DHX57: variants seen among roughly 807,000 people sequenced by gnomAD.
The protein encoded by DHX57 is putative ATP-dependent RNA helicase DHX57.
DHX57 carries 105 observed loss-of-function variants against 156.2 expected under a neutral mutation model. That is an observed-to-expected ratio of 0.67 (90% CI 0.57 to 0.79). The LOEUF is 0.79. Among genes scored for constraint, DHX57 ranks in the 30% least tolerant of loss-of-function variants. DHX57 has a pLI of 0.00. For missense variants in DHX57, 1,847 were observed against 1,661.9 expected, an observed-to-expected ratio of 1.11 and a Z score of -1.94; for synonymous variants, 704 against 595.6, an observed-to-expected ratio of 1.18 and a Z score of -2.65.
chr2:38,802,190 C>A (rs771915109), intron 23 of DHX57, among the ~76,000 whole-genome samples: 1 of 152,146 alleles, frequency 6.6e-6, no homozygotes, highest in Non-Finnish European at 1.5e-5. Context: ...ACCAGACTTC[C>A]CCTCACAGTG....
rs1673196939 is a variant in DHX57 at position 38,861,373 on chromosome 2, A to G, written c.1037T>C (p.Ile346Thr). The G allele has an allele frequency of 6.2e-7, 1 of 1,613,810 alleles. No individual in the cohort carries two copies. Among genetic ancestry groups the G allele is most frequent in the Middle Eastern group, 1.6e-4 (1 of 6,062 alleles). The change falls in exon 5 of 24, where the codon ATT becomes ACT. Residue 346 changes from isoleucine (I) to threonine (T), a missense_variant. Ile to Thr is a moderately conservative substitution (Grantham distance 89, BLOSUM62 -1). Transcript: ENST00000457308. ...RSVDDSHLNA[I>T]EDASFLYELE... ...TTCATATAAAAAAGATGCATCTTCA[A>G]TAGCATTAAGATGAGAATCATCTAC...
chr2:38,860,092 T>C (rs1469555594), intron 5 of DHX57, among the ~76,000 whole-genome samples: 2 of 152,000 alleles, frequency 1.3e-5, no homozygotes, highest in African/African-American at 4.8e-5. Context: ...GTGCTGGGAT[T>C]ACAGGCATGA....
intron 1 of DHX57, among the ~76,000 whole-genome samples, chr2:38,870,286 A>G (rs1665292979): frequency 6.6e-6 from 1 of 152,220 alleles, no homozygotes; most frequent in Non-Finnish European, 1.5e-5. Context: ...AGAAAAGAGC[A>G]GAAAAAATAT....
chr2:38,864,590 C>T (rs1398185430), intron 2 of DHX57, among the ~76,000 whole-genome samples: 1 of 152,100 alleles, frequency 6.6e-6, no homozygotes, highest in Non-Finnish European at 1.5e-5. Flanking sequence ...CATTCCAGCA[C>T]TTATCCCCCT....
chr2:38,869,379 GTAGTT>G (rs1665250246), intron 1 of DHX57, among the ~76,000 whole-genome samples: 1 of 152,224 alleles, frequency 6.6e-6, no homozygotes, highest in African/African-American at 2.4e-5. Context: ...AAATGAAGAT[GTAGTT>G]TAGACTGTTG....
chr2:38,802,834 C>T lies in DHX57; in HGVS notation c.3898G>A (p.Val1300Met). 1 of 1,614,184 alleles carries T rather than the reference C, an allele frequency of 6.2e-7. No homozygotes were observed. The highest frequency in any genetic ancestry group is 8.5e-7 in the Non-Finnish European group (1 of 1,180,034). Residue 1300 changes from valine to methionine, a missense_variant, in exon 23 of 24, where the codon GTG becomes ATG. Val to Met is a conservative substitution (Grantham distance 21). Transcript: ENST00000457308. ...SRVFIRDCSMVSVYPLVLFGG... is the reference protein window; with the variant it reads ...SRVFIRDCSMMSVYPLVLFGG... ...AACAAGACCAGCGGGTACACAGACACCATGCTGCAGTCTCGGATGAATACT... is the reference window on the plus strand; with the variant it reads ...AACAAGACCAGCGGGTACACAGACATCATGCTGCAGTCTCGGATGAATACT...
intron 21 of DHX57, among the ~76,000 whole-genome samples, chr2:38,812,266 T>TG (rs1670287076): frequency 3.0e-5 from 1 of 33,238 alleles, no homozygotes. Flanking sequence ...GCACAAACAA[T>TG]TTTTTAAAAG....
chr2:38,818,538 G>GCAAA (rs201554073), intron 19 of DHX57, among the ~76,000 whole-genome samples: 1 of 151,782 alleles, frequency 6.6e-6, no homozygotes, highest in East Asian at 1.9e-4. Context: ...AAACAAACAA[G>GCAAA]CAAACAAACA....
intron 7 of DHX57, 60 bp from the exon 8 acceptor site, chr2:38,855,312 A>G (rs774909135): frequency 1.3e-6 from 2 of 1,519,150 alleles, no homozygotes; most frequent in Non-Finnish European, 1.8e-6. Context: ...TAACTAAAGA[A>G]GCAATCATAT....
At chr2:38,859,689 C>T (rs996597414) in intron 5 of DHX57, among the ~76,000 whole-genome samples, 2 of 152,118 alleles carry the variant, frequency 1.3e-5, no homozygotes, top group Non-Finnish European at 2.9e-5. Context: ...GCTAAATGAC[C>T]AGCAGCCACA....
Position 38,831,945 on chromosome 2 carries a change from C to G in DHX57, c.2543-3509G>C, listed in dbSNP as rs556886038. Among the ~76,000 whole-genome samples the G allele has an allele frequency of 2.5e-4, 38 of 152,116 alleles. No individual in the cohort carries two copies. In the South Asian group the frequency reaches 7.7e-3, roughly 31 times the overall value. ...GCTGAGATAGGAGAATTGCTTCAAC[C>G]TGGGAGGCAGAGGTTGCAGTGAGCT... On this transcript the variant is annotated intron_variant, in intron 13 of 23. Coordinates refer to ENST00000457308, the MANE Select transcript of DHX57 (RefSeq NM_198963.3).
Position 38,844,344 on chromosome 2 carries a change from G to T in DHX57, c.2220-1134C>A, listed in dbSNP as rs150927948. Reference sequence around the variant, plus strand: ...ATTCTGTGACTTCTAATAAAGAAATGATTAGGCCGGGCGCGGTGGCTCACG... The same window carrying T: ...ATTCTGTGACTTCTAATAAAGAAATTATTAGGCCGGGCGCGGTGGCTCACG... On this transcript the variant is annotated intron_variant, in intron 11 of 23. Transcript: ENST00000457308. Among the ~76,000 whole-genome samples, 507 of 23,992 alleles carry T rather than the reference G, an allele frequency of 0.021. 149 individuals are homozygous for T. In the Middle Eastern group the frequency reaches 0.5, roughly 24 times the overall value. The allele number at this position is 23,992 out of a possible 152,430, so 15.7% of individuals were successfully genotyped here.
At chr2:38,816,178 C>G (rs1670537473) in intron 19 of DHX57, 2 of 470,906 alleles carry the variant, frequency 4.2e-6, no homozygotes, top group South Asian at 3.1e-5. Context: ...GCTGGCTCAT[C>G]TCTTTTCCTA....
At chr2:38,815,723 G>T (rs1670514047) in intron 19 of DHX57, 68 bp from the exon 20 acceptor site, 2 of 1,594,952 alleles carry the variant, frequency 1.3e-6, no homozygotes, top group Admixed American at 1.7e-5. Context: ...TTACAAAAAT[G>T]AGTGATTATA....
In DHX57 at chr2:38,798,320, C is replaced by T. The variant is rs1165486064; in HGVS notation, c.4140G>A (p.Val1380=). The T allele has an allele frequency of 6.2e-7, 1 of 1,612,966 alleles. No homozygotes were observed. Among genetic ancestry groups the T allele is most frequent in the Admixed American group, 1.7e-5 (1 of 59,650 alleles). ...CTTTTTATTGTGTGGTGACAAGTTT[C>T]ACAATTGTGCTGATGATCCGGGATC... is the stretch of plus-strand genomic sequence containing the variant. ...PRGSRIISTI[V]KLVTTQ The change falls in exon 24 of 24, where the codon GTG becomes GTA. Residue 1380 remains valine, a synonymous_variant. Transcript: ENST00000457308.
chr2:38,801,923 C>G (rs536604818), intron 23 of DHX57, among the ~76,000 whole-genome samples: 2 of 152,206 alleles, frequency 1.3e-5, no homozygotes, highest in South Asian at 4.1e-4. Flanking sequence ...AATATGTACT[C>G]TCCATGATAT....
At chr2:38,836,998 C>T (rs540076507) in intron 13 of DHX57, among the ~76,000 whole-genome samples, 7 of 152,136 alleles carry the variant, frequency 4.6e-5, no homozygotes, top group South Asian at 2.1e-4. Flanking sequence ...CAGGCATGTG[C>T]CACCACGCCT....
At chr2:38,872,577 T>C (rs986375498) in intron 1 of DHX57, among the ~76,000 whole-genome samples, 1 of 151,924 alleles carries the variant, frequency 6.6e-6, no homozygotes, top group East Asian at 1.9e-4. Context: ...AAAGGTGGAG[T>C]GGCTATGTTA....
chr2:38,870,355 G>T (rs1665295444), intron 1 of DHX57, among the ~76,000 whole-genome samples: 2 of 152,198 alleles, frequency 1.3e-5, no homozygotes, highest in Non-Finnish European at 2.9e-5. Context: ...ACCTCTACAT[G>T]CAGGAAGCTC....
Sources: allele counts gnomAD v4.1 joint callset (sites outside exome capture counted in the v4.1 genomes callset), GRCh38; gene constraint gnomAD v4.1.1; transcripts MANE v1.5; gene names NCBI Gene and HGNC (gene_info 2026-07-23, HGNC 2026-07-21).